Variants in EXT1 observed in about 807,000 individuals in gnomAD.
EXT1 encodes the protein exostosin glycosyltransferase 1, also known as exostosin-1.
A neutral mutation model predicts 82.5 loss-of-function variants in EXT1; 20 were observed. The observed-to-expected ratio is 0.24, with a 90% CI of 0.17 to 0.35. The LOEUF (loss-of-function observed/expected upper bound fraction) is 0.35. Among genes scored for constraint, EXT1 ranks in the 10% least tolerant of loss-of-function variants. EXT1 has a pLI of 1.00. For synonymous variants in EXT1, 348 were observed against 350.8 expected (o/e 0.99, Z 0.09); for missense variants, 757 against 936.5 (o/e 0.81, Z 2.50).
intron 1 of EXT1, among the ~76,000 whole-genome samples, chr8:118,058,031 C>T (rs1387096864): frequency 2.7e-5 from 4 of 150,754 alleles, no homozygotes; most frequent in African/African-American, 7.3e-5. Flanking sequence ...TGCACCAGAG[C>T]AAACCACTGT....
chr8:118,059,717 C>T (rs947375404), intron 1 of EXT1, among the ~76,000 whole-genome samples: 41 of 152,252 alleles, frequency 2.7e-4, no homozygotes, highest in Admixed American at 9.2e-4. Context: ...CACTTTCCTT[C>T]AAGACCTTTA....
intron 9 of EXT1, 94 bp from the exon 10 acceptor site, chr8:117,804,987 C>T (rs945356944): frequency 1.1e-5 from 12 of 1,129,106 alleles, no homozygotes; most frequent in Non-Finnish European, 1.6e-5. Context: ...TTCTTTGAAT[C>T]CCTAAACATG....
intron 1 of EXT1, among the ~76,000 whole-genome samples, chr8:117,884,130 T>C (rs1203019180): frequency 2.0e-5 from 3 of 151,018 alleles, no homozygotes; most frequent in Non-Finnish European, 4.4e-5. Flanking sequence ...TGAAACAAGA[T>C]TTTGCTCTGA....
At chr8:118,053,782 C>T (rs991730990) in intron 1 of EXT1, among the ~76,000 whole-genome samples, 5 of 152,196 alleles carry the variant, frequency 3.3e-5, no homozygotes, top group African/African-American at 9.7e-5. Context: ...AGTGGCCTTG[C>T]TGTCAATGCT....
At position 118,058,151 on chromosome 8, in the gene EXT1, T is replaced by C. The variant is rs924215197; in HGVS notation, c.962+51934A>G. 3.3e-5 allele frequency among the ~76,000 whole-genome samples: 5 copies of C among 151,772 alleles called. No individual in the cohort carries two copies. In the South Asian group the frequency reaches 1.0e-3, roughly 32 times the overall value. On this transcript the variant is annotated intron_variant, in intron 1 of 10. Transcript: ENST00000378204. ...CCACTCACACACAGACAGACACAAA[T>C]ACACAACACACACAAATAACCTAAG...
intron 1 of EXT1, among the ~76,000 whole-genome samples, chr8:118,041,984 A>T (rs1485170342): frequency 2.0e-5 from 3 of 151,480 alleles, no homozygotes; most frequent in Non-Finnish European, 4.4e-5. Flanking sequence ...GGAAGACTAC[A>T]TTGGCCAACA....
At chr8:117,940,681 G>A (rs1022874022) in intron 1 of EXT1, among the ~76,000 whole-genome samples, 10 of 152,112 alleles carry the variant, frequency 6.6e-5, no homozygotes, top group African/African-American at 1.4e-4. Context: ...AAGAAGACTC[G>A]GGAGATGGTA....
intron 7 of EXT1, among the ~76,000 whole-genome samples, chr8:117,814,819 G>T (rs555966435): frequency 1.3e-5 from 2 of 152,112 alleles, no homozygotes; most frequent in Non-Finnish European, 2.9e-5. Flanking sequence ...CAGAGCTGCA[G>T]TCTCCCCAAA....
At chr8:117,955,013 T>G (rs1340576705) in intron 1 of EXT1, among the ~76,000 whole-genome samples, 1 of 152,164 alleles carries the variant, frequency 6.6e-6, no homozygotes, top group Non-Finnish European at 1.5e-5. Flanking sequence ...CATGACTCCC[T>G]CCTCAAGTTC....
At chr8:117,856,883 A>C (rs1812571789) in intron 1 of EXT1, among the ~76,000 whole-genome samples, 2 of 152,066 alleles carry the variant, frequency 1.3e-5, no homozygotes. Flanking sequence ...GGACAGGCTG[A>C]CTCTCTTTTA....
In EXT1 at chr8:118,018,428, A is replaced by G. The variant is rs189161391; in HGVS notation, c.962+91657T>C. Among the ~76,000 whole-genome samples, 165 of 152,314 alleles carry G rather than the reference A, an allele frequency of 1.1e-3. 2 individuals are homozygous for G. Among genetic ancestry groups the G allele is most frequent in the Admixed American group, 0.011 (165 of 15,300 alleles). On this transcript the variant is annotated intron_variant, in intron 1 of 10. Transcript: ENST00000378204. Reference sequence around the variant, plus strand: ...GATTGCCAGAAAATCCCCAGAAGCTAGGCAAGAGATATGGAACAGACTCCC... The same window carrying G: ...GATTGCCAGAAAATCCCCAGAAGCTGGGCAAGAGATATGGAACAGACTCCC...
At chr8:118,070,035 C>G (rs1460094290) in intron 1 of EXT1, among the ~76,000 whole-genome samples, 1 of 152,148 alleles carries the variant, frequency 6.6e-6, no homozygotes. Context: ...ATGTCGTCAA[C>G]AGCAGATAGA....
chr8:117,812,594 A>G (rs537171839), intron 8 of EXT1, among the ~76,000 whole-genome samples: 113 of 152,214 alleles, frequency 7.4e-4, no homozygotes, highest in African/African-American at 2.7e-3. Context: ...CTGTTTAAAA[A>G]CAAAAAAGGA....
At chr8:117,998,015 CT>C (rs11324491) in intron 1 of EXT1, among the ~76,000 whole-genome samples, 74,658 of 125,344 alleles carry the variant, frequency 0.6, 20,961 homozygotes, top group Middle Eastern at 0.75. Context: ...TTTTATTTTA[CT>C]TTTTTTTTTT....
chr8:118,078,000 C>G lies in EXT1; in HGVS notation c.962+32085G>C, dbSNP rs545127164. 8.3e-4 allele frequency among the ~76,000 whole-genome samples: 127 copies of G among 152,220 alleles called. 1 individual carries two copies. The highest frequency in any genetic ancestry group is 3.0e-3 in the African/African-American group (123 of 41,560). ...TTAGTAGTAATCATATTTTGTATTT[C>G]TTTATAGTTTTATTATTCAGGTGTA... On this transcript the variant is annotated intron_variant, in intron 1 of 10. Coordinates refer to ENST00000378204, the MANE Select transcript of EXT1 (RefSeq NM_000127.3).
chr8:117,955,494 G>A (rs1563612207), intron 1 of EXT1, among the ~76,000 whole-genome samples: 1 of 152,202 alleles, frequency 6.6e-6, no homozygotes, highest in Non-Finnish European at 1.5e-5. Flanking sequence ...TTCTGTGGAA[G>A]ACATTCTTAT....
At chr8:117,998,433 C>A (rs1563624944) in intron 1 of EXT1, among the ~76,000 whole-genome samples, 1 of 152,246 alleles carries the variant, frequency 6.6e-6, no homozygotes, top group East Asian at 1.9e-4. Context: ...CCTCAGGCTC[C>A]CGAGTACACT....
At chr8:117,826,203 T>C (rs755915056) in intron 4 of EXT1, among the ~76,000 whole-genome samples, 2 of 152,212 alleles carry the variant, frequency 1.3e-5, no homozygotes, top group Non-Finnish European at 2.9e-5. Flanking sequence ...CAGAGTTCTG[T>C]ACAATGAAAC....
Position 118,111,433 on chromosome 8 carries a change from C to CCA in EXT1, c.-388_-387insTG. ...GCAAGACGAAGTGATTGCCTTGCCTCTCGGATTCCTCTCGGCAGCGTGGAA... is the reference window on the plus strand; with the variant it reads ...GCAAGACGAAGTGATTGCCTTGCCTCCATCGGATTCCTCTCGGCAGCGTGGAA... On this transcript the variant is annotated 5_prime_UTR_variant, in exon 1 of 11. In the 5' UTR this introduces an upstream ATG that the reference lacks. Coordinates refer to ENST00000378204, the MANE Select transcript of EXT1 (RefSeq NM_000127.3). 1 of 542,664 alleles carries CCA rather than the reference C, an allele frequency of 1.8e-6. No homozygotes were observed. The highest frequency in any genetic ancestry group is 3.2e-6 in the Non-Finnish European group (1 of 309,898). The allele number at this position is 542,664 out of a possible 1,614,324, so 33.6% of individuals were successfully genotyped here.
Sources: allele counts gnomAD v4.1 joint callset (sites outside exome capture counted in the v4.1 genomes callset), GRCh38; gene constraint gnomAD v4.1.1; transcripts MANE v1.5; gene names NCBI Gene and HGNC (gene_info 2026-07-23, HGNC 2026-07-21).